C21orf91: variants seen among roughly 807,000 people sequenced by gnomAD.
The protein encoded by C21orf91 is protein EURL homolog.
A neutral mutation model predicts 32.9 loss-of-function variants in C21orf91; 26 were observed. The observed-to-expected ratio is 0.79, with a 90% CI of 0.58 to 1.10. The LOEUF (loss-of-function observed/expected upper bound fraction) is 1.10, where lower values mean the gene tolerates loss of function less well. Among genes scored for constraint, C21orf91 ranks in the 50% least tolerant of loss-of-function variants. The pLI, the probability that C21orf91 is intolerant of heterozygous loss-of-function variation, is 0.00. For missense variants in C21orf91, 310 were observed against 341.3 expected (o/e 0.91, Z 0.72); for synonymous variants, 126 against 120.4 (o/e 1.05, Z -0.31).
chr21:17,817,348 G>C (rs1000863955), intron 2 of C21orf91, among the ~76,000 whole-genome samples: 4 of 151,894 alleles, frequency 2.6e-5, no homozygotes. Context: ...AGAAAATAAA[G>C]ATCATGAAAA....
At chr21:17,800,912 G>C (rs749115779) in intron 2 of C21orf91, among the ~76,000 whole-genome samples, 5 of 152,102 alleles carry the variant, frequency 3.3e-5, no homozygotes, top group Non-Finnish European at 5.9e-5. Context: ...AGATGCTGGA[G>C]AGGATGTGGA....
Position 17,797,849 on chromosome 21 carries a change from C to T in C21orf91, c.128-731G>A, listed in dbSNP as rs969117993. The stretch of plus-strand genomic sequence containing the variant: ...AATGTTCATTATATACCATAAATAA[C>T]AGAAATATTACTTTTATATCTCTCA... On this transcript the variant is annotated intron_variant, in intron 2 of 4. Transcript: ENST00000284881. Among the ~76,000 whole-genome samples the T allele has an allele frequency of 3.9e-5, 6 of 151,926 alleles. No individual in the cohort carries two copies. In the South Asian group the frequency reaches 8.3e-4, roughly 21 times the overall value.
At chr21:17,795,044 T>C (rs2062507494) in intron 4 of C21orf91, among the ~76,000 whole-genome samples, 164 bp downstream of exon 4, 2 of 151,840 alleles carry the variant, frequency 1.3e-5, no homozygotes, top group Non-Finnish European at 2.9e-5. Flanking sequence ...TCCTCTGCAG[T>C]TGAAAGTTGT....
chr21:17,799,033 T>C (rs2062540747), intron 2 of C21orf91, among the ~76,000 whole-genome samples: 1 of 152,158 alleles, frequency 6.6e-6, no homozygotes, highest in Non-Finnish European at 1.5e-5. Context: ...CCGTAAATGG[T>C]CTCATTCTCA....
At chr21:17,817,199 C>A (rs920599604) in intron 2 of C21orf91, among the ~76,000 whole-genome samples, 2 of 152,106 alleles carry the variant, frequency 1.3e-5, no homozygotes, top group Non-Finnish European at 2.9e-5. Context: ...CACAAGAAAT[C>A]CATAATCTTC....
intron 2 of C21orf91, among the ~76,000 whole-genome samples, chr21:17,802,038 C>T (rs984243074): frequency 6.6e-6 from 1 of 152,290 alleles, no homozygotes. Flanking sequence ...ATCTGGCATG[C>T]TATCCCCATC....
rs1428523923 is a variant in C21orf91 at position 17,789,972 on chromosome 21, A to G, written c.*3443T>C. On this transcript the variant is annotated 3_prime_UTR_variant, in exon 5 of 5. Coordinates refer to ENST00000284881, the MANE Select transcript of C21orf91 (RefSeq NM_001100420.2). ...ACGGCATCAATTATCTTTGCCTTAC[A>G]TCTGAACAAAAAGTATTAACTTTTT... The G allele has an allele frequency of 6.6e-6, 1 of 152,166 alleles. No homozygotes were observed. The highest frequency in any genetic ancestry group is 1.5e-5 in the Non-Finnish European group (1 of 67,978). The allele number at this position is 152,166 out of a possible 1,614,324, so 9.4% of individuals were successfully genotyped here. A position where few individuals can be genotyped will look rare whatever the true frequency, so the allele number is the denominator to read the frequency against.
Position 17,794,661 on chromosome 21 carries a change from A to G in C21orf91, c.727+547T>C, listed in dbSNP as rs75844729. Among the ~76,000 whole-genome samples the G allele has an allele frequency of 3.8e-3, 578 of 152,358 alleles. 7 individuals carry two copies. The highest frequency in any genetic ancestry group is 0.014 in the African/African-American group (562 of 41,584). ...GTTTATAATTTAACAAAAAAGACTA[A>G]TATCACATGCCTTAAAGAACTGTTT... On this transcript the variant is annotated intron_variant, in intron 4 of 4. Coordinates refer to ENST00000284881, the MANE Select transcript of C21orf91 (RefSeq NM_001100420.2).
Position 17,789,806 on chromosome 21 carries a change from CT to C in C21orf91, c.*3608del, listed in dbSNP as rs765252525. 6.6e-6 allele frequency: 1 copy of C among 152,114 alleles called. No individual in the cohort carries two copies. The highest frequency in any genetic ancestry group is 1.5e-5 in the Non-Finnish European group (1 of 67,964). 9.4% of individuals were successfully genotyped at this position (152,114 alleles called of 1,614,324 possible). ...GCTCTAGTATTCTGGTAAATAAACT[CT>C]TCCCTGCCCCATGACCACAAAACTT... On this transcript the variant is annotated 3_prime_UTR_variant, in exon 5 of 5. Transcript: ENST00000284881.
At position 17,791,951 on chromosome 21, in the gene C21orf91, G is replaced by C. The variant is rs762758009; in HGVS notation, c.*1464C>G. On this transcript the variant is annotated 3_prime_UTR_variant, in exon 5 of 5. Coordinates refer to ENST00000284881, the MANE Select transcript of C21orf91 (RefSeq NM_001100420.2). ...TTCAATTAAACTGAAGTGTTTCTTT[G>C]CTTAAATACTTTCTTGTGTTCAACA... 2.0e-5 allele frequency: 3 copies of C among 152,116 alleles called. No individual in the cohort carries two copies. The highest frequency in any genetic ancestry group is 2.9e-5 in the Non-Finnish European group (2 of 67,966). 9.4% of individuals were successfully genotyped at this position (152,116 alleles called of 1,614,324 possible).
intron 2 of C21orf91, among the ~76,000 whole-genome samples, chr21:17,812,195 C>T (rs1189389863): frequency 2.0e-5 from 3 of 152,062 alleles, no homozygotes; most frequent in Admixed American, 6.5e-5. Context: ...TTAAACTTAT[C>T]ACCAATTAAG....
rs1191690117 is a variant in C21orf91 at position 17,801,298 on chromosome 21, T to C, written c.128-4180A>G. 2.7e-5 allele frequency among the ~76,000 whole-genome samples: 4 copies of C among 149,000 alleles called. No homozygotes were observed. In the East Asian group the frequency reaches 7.9e-4, roughly 29 times the overall value. On this transcript the variant is annotated intron_variant, in intron 2 of 4. Coordinates refer to ENST00000284881, the MANE Select transcript of C21orf91 (RefSeq NM_001100420.2). ...TGTTTTTTTTTTTTTTTAGACGGAGTCTCGCTCTGTCACCCAGGCTGGAGT... is the reference window on the plus strand; with the variant it reads ...TGTTTTTTTTTTTTTTTAGACGGAGCCTCGCTCTGTCACCCAGGCTGGAGT...
rs141931953 is a variant in C21orf91 at position 17,791,508 on chromosome 21, T to A, written c.*1907A>T. On this transcript the variant is annotated 3_prime_UTR_variant, in exon 5 of 5. Coordinates refer to ENST00000284881, the MANE Select transcript of C21orf91 (RefSeq NM_001100420.2). The stretch of plus-strand genomic sequence containing the variant: ...TACTATTGATATCAAATGCAACATA[T>A]CCCCAACTTTTATGACTGTCCCTAA... 6.6e-6 allele frequency: 1 copy of A among 152,260 alleles called. No individual in the cohort carries two copies. Among genetic ancestry groups the A allele is most frequent in the African/African-American group, 2.4e-5 (1 of 41,566 alleles). The allele number at this position is 152,260 out of a possible 1,614,324, so 9.4% of individuals were successfully genotyped here.
At chr21:17,809,907 T>A (rs2062621235) in intron 2 of C21orf91, among the ~76,000 whole-genome samples, 1 of 152,192 alleles carries the variant, frequency 6.6e-6, no homozygotes, top group East Asian at 1.9e-4. Context: ...CTTACTGTTG[T>A]ACAACTCAGA....
intron 2 of C21orf91, among the ~76,000 whole-genome samples, chr21:17,817,236 T>G (rs376430783): frequency 1.1e-4 from 16 of 152,254 alleles, no homozygotes; most frequent in East Asian, 3.8e-4. Flanking sequence ...GTGACCATAA[T>G]AATTTCTGAA....
intron 2 of C21orf91, among the ~76,000 whole-genome samples, chr21:17,800,530 T>C (rs1367570420): frequency 6.6e-6 from 1 of 152,212 alleles, no homozygotes; most frequent in Non-Finnish European, 1.5e-5. Flanking sequence ...GAGATCCCAG[T>C]GAGTTTCCCA....
intron 2 of C21orf91, among the ~76,000 whole-genome samples, chr21:17,804,571 C>T (rs1410642995): frequency 6.6e-6 from 1 of 152,198 alleles, no homozygotes; most frequent in East Asian, 1.9e-4. Flanking sequence ...ATGAAGCCAA[C>T]ATACAGATGG....
rs1366707573 is a variant in C21orf91 at position 17,789,882 on chromosome 21, C to A, written c.*3533G>T. ...GGGTTTTATCTCTTACTAATTCTCA[C>A]CACAAATTTCCTCAAATAGTTACTC... is the stretch of plus-strand genomic sequence containing the variant. On this transcript the variant is annotated 3_prime_UTR_variant, in exon 5 of 5. Coordinates refer to ENST00000284881, the MANE Select transcript of C21orf91 (RefSeq NM_001100420.2). The A allele has an allele frequency of 6.6e-6, 1 of 152,070 alleles. No homozygotes were observed. Among genetic ancestry groups the A allele is most frequent in the Non-Finnish European group, 1.5e-5 (1 of 67,944 alleles). 9.4% of individuals were successfully genotyped at this position (152,070 alleles called of 1,614,324 possible).
intron 2 of C21orf91, among the ~76,000 whole-genome samples, chr21:17,812,600 G>A (rs957543698): frequency 2.0e-5 from 3 of 152,136 alleles, no homozygotes; most frequent in Non-Finnish European, 4.4e-5. Context: ...ACGAGCTCAG[G>A]AGATCGAGAC....
Sources: allele counts gnomAD v4.1 joint callset (sites outside exome capture counted in the v4.1 genomes callset), GRCh38; gene constraint gnomAD v4.1.1; transcripts MANE v1.5; gene names NCBI Gene and HGNC (gene_info 2026-07-23, HGNC 2026-07-21).